BRD7: variants seen among roughly 807,000 people sequenced by gnomAD.
BRD7 encodes the protein bromodomain containing 7, also known as bromodomain-containing protein 7.
A neutral mutation model predicts 82.1 loss-of-function variants in BRD7; 15 were observed. The ratio of observed to expected loss-of-function variants is 0.18; its 90% CI spans 0.12 to 0.28. BRD7 has a LOEUF of 0.28. BRD7 is among the 10% of genes least tolerant of loss of function. The pLI is 1.00. For synonymous variants in BRD7, 232 were observed against 266.9 expected (o/e 0.87, Z 1.27); for missense variants, 638 against 779.9 (o/e 0.82, Z 2.17).
chr16:50,330,986 G>T (rs1307756289), intron 8 of BRD7, among the ~76,000 whole-genome samples: 2 of 151,874 alleles, frequency 1.3e-5, no homozygotes, highest in Admixed American at 6.6e-5. Context: ...TTTTGGTAAA[G>T]ATACAATATC....
chr16:50,339,940 T>C (rs2037978757), intron 6 of BRD7, 36 bp downstream of exon 6: 2 of 1,304,822 alleles, frequency 1.5e-6, no homozygotes, highest in African/African-American at 1.5e-5. Flanking sequence ...ACACAGATTT[T>C]AATAACTATT....
chr16:50,320,068 G>C, intron 15 of BRD7, 38 bp from the exon 16 acceptor site: 1 of 1,580,652 alleles, frequency 6.3e-7, no homozygotes, highest in Non-Finnish European at 8.6e-7. Flanking sequence ...CTAAAGCATG[G>C]TTCCTTTAGA....
At chr16:50,351,034 AT>A (rs1043073283) in intron 4 of BRD7, among the ~76,000 whole-genome samples, 12 of 152,016 alleles carry the variant, frequency 7.9e-5, no homozygotes, top group East Asian at 3.8e-4. Context: ...CATTATGCTA[AT>A]TTTTTTTCCC....
chr16:50,325,674 A>C, intron 11 of BRD7, 74 bp downstream of exon 11: 1 of 1,373,292 alleles, frequency 7.3e-7, no homozygotes, highest in Non-Finnish European at 9.7e-7. Flanking sequence ...CAGCTTTGTC[A>C]GTCTATCCAC....
At chr16:50,349,507 G>C (rs2038432378) in intron 5 of BRD7, 4 of 467,422 alleles carry the variant, frequency 8.6e-6, no homozygotes, top group Non-Finnish European at 1.8e-5. Context: ...TCCCCTTCAT[G>C]TTCCAGTACG....
chr16:50,340,106 G>A lies in BRD7; in HGVS notation c.592-20C>T, dbSNP rs771988670. On this transcript the variant is annotated intron_variant, in intron 5 of 16. Coordinates refer to ENST00000394688, the MANE Select transcript of BRD7 (RefSeq NM_013263.5). ...GTTATCCTGCAGAAAGAACATTAAG[G>A]GAGAAAATGCATTAATGCAAAACAA... 13 of 1,402,482 alleles carry A rather than the reference G, an allele frequency of 9.3e-6. No individual in the cohort carries two copies. Among genetic ancestry groups the A allele is most frequent in the Non-Finnish European group, 1.2e-5 (12 of 1,027,046 alleles). 86.9% of individuals were successfully genotyped at this position (1,402,482 alleles called of 1,614,324 possible). A position where few individuals can be genotyped will look rare whatever the true frequency, so the allele number is the denominator to read the frequency against.
chr16:50,363,941 T>C (rs577786484), intron 2 of BRD7, among the ~76,000 whole-genome samples: 3 of 151,984 alleles, frequency 2.0e-5, no homozygotes, highest in Non-Finnish European at 4.4e-5. Context: ...TACATGCCTG[T>C]AGTCCCAGCT....
In BRD7 at chr16:50,319,403, C is replaced by T. The variant is rs769189753; in HGVS notation, c.1901-137G>A. The T allele has an allele frequency of 8.8e-5, 61 of 689,396 alleles. 1 individual carries two copies. Among genetic ancestry groups the T allele is most frequent in the Non-Finnish European group, 1.2e-4 (50 of 402,752 alleles). The allele number at this position is 689,396 out of a possible 1,614,324, so 42.7% of individuals were successfully genotyped here. A position where few individuals can be genotyped will look rare whatever the true frequency, so the allele number is the denominator to read the frequency against. The stretch of plus-strand genomic sequence containing the variant: ...ACCACATCCAAGGCTGAAGACTACG[C>T]GCATTATCAGGTGATCATTGTGGCT... On this transcript the variant is annotated intron_variant, in intron 16 of 16. Transcript: ENST00000394688.
intron 5 of BRD7, among the ~76,000 whole-genome samples, chr16:50,345,500 C>T (rs564269249): frequency 2.5e-3 from 352 of 138,090 alleles, no homozygotes; most frequent in African/African-American, 5.4e-3. Flanking sequence ...CAAGACCCAT[C>T]AGTGTGCTGT....
chr16:50,330,255 C>T (rs1484992074), intron 8 of BRD7, among the ~76,000 whole-genome samples: 3 of 151,820 alleles, frequency 2.0e-5, no homozygotes, highest in African/African-American at 7.3e-5. Flanking sequence ...AAACTGCATG[C>T]TTTCTTGGCC....
chr16:50,363,034 C>CTA (rs1376198152), intron 2 of BRD7, among the ~76,000 whole-genome samples: 1 of 152,182 alleles, frequency 6.6e-6, no homozygotes, highest in Non-Finnish European at 1.5e-5. Flanking sequence ...CTAGGATGTA[C>CTA]TATATGCCTG....
At chr16:50,366,176 T>C (rs1894942) in intron 2 of BRD7, among the ~76,000 whole-genome samples, 33,630 of 152,074 alleles carry the variant, frequency 0.22, 4,165 homozygotes, top group African/African-American at 0.31. Context: ...AGAATACAGA[T>C]TTTCAAACAT....
At chr16:50,354,360 G>C in intron 4 of BRD7, 65 bp downstream of exon 4, 1 of 1,354,984 alleles carries the variant, frequency 7.4e-7, no homozygotes, top group South Asian at 1.2e-5. Context: ...GCACAAATGT[G>C]GTTTGGATCC....
intron 2 of BRD7, among the ~76,000 whole-genome samples, chr16:50,364,651 C>T (rs2039068459): frequency 6.6e-6 from 1 of 152,126 alleles, no homozygotes; most frequent in African/African-American, 2.4e-5. Flanking sequence ...GATAGAGTGG[C>T]TGGAACACAG....
intron 8 of BRD7, among the ~76,000 whole-genome samples, chr16:50,329,929 C>T (rs2037489978): frequency 1.3e-5 from 2 of 152,218 alleles, no homozygotes; most frequent in African/African-American, 4.8e-5. Flanking sequence ...TAAAATGTCT[C>T]AGTCAACTGA....
chr16:50,341,060 A>C (rs1268235366), intron 5 of BRD7, among the ~76,000 whole-genome samples: 1 of 152,096 alleles, frequency 6.6e-6, no homozygotes, highest in African/African-American at 2.4e-5. Flanking sequence ...GGTCGCAATA[A>C]ATTTGGTATT....
At chr16:50,342,545 C>T (rs758771157) in intron 5 of BRD7, among the ~76,000 whole-genome samples, 3 of 150,496 alleles carry the variant, frequency 2.0e-5, no homozygotes, top group African/African-American at 2.4e-5. Flanking sequence ...CTCAGCCTCC[C>T]GAGTAGCTGG....
intron 2 of BRD7, among the ~76,000 whole-genome samples, chr16:50,359,785 A>T (rs1356019117): frequency 6.6e-6 from 1 of 152,200 alleles, no homozygotes; most frequent in African/African-American, 2.4e-5. Flanking sequence ...TTTAGACTGG[A>T]CAAGTGTGGG....
At chr16:50,354,146 T>C (rs998087171) in intron 4 of BRD7, among the ~76,000 whole-genome samples, 2 of 152,358 alleles carry the variant, frequency 1.3e-5, no homozygotes, top group South Asian at 4.1e-4. Context: ...TCTGTATTGT[T>C]TATTCCTGGC....
Sources: gnomAD v4.1 joint callset for allele counts (sites outside exome capture counted in the v4.1 genomes callset) on GRCh38, gnomAD v4.1.1 for gene constraint, MANE v1.5 for transcripts, NCBI Gene and HGNC (gene_info 2026-07-23, HGNC 2026-07-21) for gene names.